PHF14: variants seen among roughly 807,000 people sequenced by gnomAD.
PHF14 encodes PHD finger protein 14.
PHF14 carries 55 observed loss-of-function variants against 117.9 expected under a neutral mutation model. The observed-to-expected ratio is 0.47, with a 90% CI of 0.38 to 0.58. The LOEUF is 0.58. Among genes scored for constraint, PHF14 ranks in the 20% least tolerant of loss-of-function variants. The pLI is 0.00. For synonymous variants in PHF14, 409 were observed against 368.6 expected, an observed-to-expected ratio of 1.11 and a Z score of -1.26; for missense variants, 978 against 1,122.2, an observed-to-expected ratio of 0.87 and a Z score of 1.84.
chr7:10,991,171 A>T (rs1241753483), intron 4 of PHF14, among the ~76,000 whole-genome samples: 3 of 147,766 alleles, frequency 2.0e-5, no homozygotes, highest in Non-Finnish European at 4.5e-5. Context: ...GTTCTTTTTT[A>T]TTTTATTTTT....
chr7:10,990,960 A>G (rs1291923089), intron 4 of PHF14, 113 bp downstream of exon 4: 3 of 669,492 alleles, frequency 4.5e-6, no homozygotes, highest in African/African-American at 3.7e-5. Context: ...ATAATGCTAA[A>G]TCATCAAAGT....
chr7:11,017,648 T>A (rs1257793859), intron 5 of PHF14, among the ~76,000 whole-genome samples: 2 of 152,186 alleles, frequency 1.3e-5, no homozygotes, highest in Non-Finnish European at 2.9e-5. Context: ...TATATTCTGG[T>A]TATTTATCCC....
chr7:10,991,784 G>T (rs1782463007), intron 4 of PHF14, among the ~76,000 whole-genome samples: 2 of 94,068 alleles, frequency 2.1e-5, no homozygotes, highest in African/African-American at 4.3e-5. Context: ...TTTTGGTAGA[G>T]ACAGGGTTTT....
intron 17 of PHF14, among the ~76,000 whole-genome samples, chr7:11,155,567 T>C (rs1032512320): frequency 2.0e-5 from 3 of 152,216 alleles, no homozygotes; most frequent in Non-Finnish European, 4.4e-5. Flanking sequence ...TCATGTCTCA[T>C]TGCATTAGTC....
intron 5 of PHF14, among the ~76,000 whole-genome samples, chr7:11,015,821 ATTTTTT>A (rs200930490): frequency 7.6e-6 from 1 of 131,280 alleles, no homozygotes; most frequent in African/African-American, 2.8e-5. Context: ...TCATGCATAG[ATTTTTT>A]TTTTTTTTTT....
intron 16 of PHF14, among the ~76,000 whole-genome samples, chr7:11,098,278 A>G (rs1353609049): frequency 6.6e-6 from 1 of 152,128 alleles, no homozygotes; most frequent in African/African-American, 2.4e-5. Flanking sequence ...CTATTAAAAC[A>G]TTTCTTGATC....
chr7:10,981,719 T>C (rs1314368011), intron 2 of PHF14, among the ~76,000 whole-genome samples: 1 of 152,236 alleles, frequency 6.6e-6, no homozygotes, highest in East Asian at 1.9e-4. Context: ...AGTATCCTAA[T>C]AAACAGGAAG....
chr7:11,168,357 C>T (rs988031468), intron 17 of PHF14, among the ~76,000 whole-genome samples: 3 of 152,028 alleles, frequency 2.0e-5, no homozygotes, highest in South Asian at 4.1e-4. Context: ...TATAAAAAAG[C>T]TTTTTTCACC....
intron 16 of PHF14, chr7:11,106,711 A>G (rs1467631768): frequency 2.0e-6 from 2 of 984,152 alleles, no homozygotes; most frequent in Non-Finnish European, 2.4e-6. Flanking sequence ...ATTTTTATTT[A>G]AGTAATGACA....
chr7:11,050,807 T>C (rs1011423839), intron 13 of PHF14, among the ~76,000 whole-genome samples: 1 of 152,204 alleles, frequency 6.6e-6, no homozygotes, highest in South Asian at 2.1e-4. Context: ...GTATATTTCT[T>C]CTTTTAGAAG....
At chr7:11,150,524 AAG>A (rs1451934757) in intron 17 of PHF14, among the ~76,000 whole-genome samples, 3 of 152,130 alleles carry the variant, frequency 2.0e-5, no homozygotes, top group African/African-American at 4.8e-5. Context: ...AAGGAAAGGA[AAG>A]AGAGAGGAAG....
intron 16 of PHF14, among the ~76,000 whole-genome samples, chr7:11,096,887 A>C (rs1218168616): frequency 6.6e-6 from 1 of 152,056 alleles, no homozygotes; most frequent in African/African-American, 2.4e-5. Context: ...CTCATCTTCA[A>C]ATGATTTCAG....
intron 4 of PHF14, among the ~76,000 whole-genome samples, chr7:11,012,981 G>A (rs865801567): frequency 6.6e-6 from 1 of 151,982 alleles, no homozygotes; most frequent in African/African-American, 2.4e-5. Context: ...ATACCTGTTT[G>A]TATTATAATC....
At chr7:10,996,497 G>A (rs1006167785) in intron 4 of PHF14, among the ~76,000 whole-genome samples, 26 of 152,078 alleles carry the variant, frequency 1.7e-4, no homozygotes, top group African/African-American at 5.6e-4. Context: ...AAGAGAGTCA[G>A]TAAATGTGTC....
intron 4 of PHF14, among the ~76,000 whole-genome samples, chr7:11,003,016 C>T (rs10242027): frequency 0.014 from 2,057 of 152,032 alleles, 40 homozygotes; most frequent in African/African-American, 0.046. Context: ...GCATGATCTC[C>T]GCTCACTGTC....
intron 17 of PHF14, among the ~76,000 whole-genome samples, chr7:11,152,822 T>A (rs1277116973): frequency 6.6e-6 from 1 of 152,160 alleles, no homozygotes; most frequent in Admixed American, 6.6e-5. Flanking sequence ...ACTCACTCAC[T>A]GATACCTGCA....
intron 17 of PHF14, among the ~76,000 whole-genome samples, chr7:11,138,385 A>C (rs769446513): frequency 1.2e-4 from 18 of 152,202 alleles, no homozygotes; most frequent in Non-Finnish European, 2.2e-4. Context: ...GATAATGAAA[A>C]AAAAACACAG....
intron 17 of PHF14, among the ~76,000 whole-genome samples, chr7:11,134,012 A>G (rs1469722878): frequency 6.6e-6 from 1 of 152,042 alleles, no homozygotes; most frequent in Non-Finnish European, 1.5e-5. Context: ...GGAGTTGACA[A>G]ATTAGCCTTC....
At chr7:11,021,131 A>G (rs1314568903) in intron 5 of PHF14, among the ~76,000 whole-genome samples, 1 of 152,222 alleles carries the variant, frequency 6.6e-6, no homozygotes, top group Non-Finnish European at 1.5e-5. Context: ...AGTCTGCTTT[A>G]TTAAAATATA....
Sources: allele counts gnomAD v4.1 joint callset (sites outside exome capture counted in the v4.1 genomes callset), GRCh38; gene constraint gnomAD v4.1.1; transcripts MANE v1.5; gene names NCBI Gene and HGNC (gene_info 2026-07-23, HGNC 2026-07-21).